The following MICU2 variants were observed in gnomAD, a reference collection of about 807,000 sequenced individuals.
The protein encoded by MICU2 is calcium uptake protein 2, mitochondrial.
MICU2 carries 64 observed loss-of-function variants against 60.4 expected under a neutral mutation model. The ratio of observed to expected loss-of-function variants is 1.06; its 90% CI spans 0.87 to 1.31. The LOEUF is 1.31. MICU2 is among the 50% of genes most tolerant of loss of function. The pLI, the probability that MICU2 is intolerant of heterozygous loss-of-function variation, is 0.00. For synonymous variants in MICU2, 201 were observed against 175.0 expected (o/e 1.15, Z -1.17); for missense variants, 569 against 531.0 (o/e 1.07, Z -0.70).
At chr13:21,600,660 C>T (rs910145973) in intron 1 of MICU2, among the ~76,000 whole-genome samples, 1 of 152,114 alleles carries the variant, frequency 6.6e-6, no homozygotes, top group African/African-American at 2.4e-5. Flanking sequence ...CCTTAATTCC[C>T]GACTGACCCT....
chr13:21,498,821 GA>G (rs71093318), intron 9 of MICU2, among the ~76,000 whole-genome samples: 46,965 of 149,250 alleles, frequency 0.31, 8,353 homozygotes, highest in South Asian at 0.4. Context: ...GGGAAAAAAG[GA>G]AAAAAAAAAA....
Position 21,530,892 on chromosome 13 carries a change from A to G in MICU2, c.467-8242T>C, listed in dbSNP as rs115340512. 9.5e-4 allele frequency: 718 copies of G among 758,858 alleles called. 5 individuals carry two copies. Among genetic ancestry groups the G allele is most frequent in the African/African-American group, 9.0e-3 (529 of 58,764 alleles). 47.0% of individuals were successfully genotyped at this position (758,858 alleles called of 1,614,324 possible). On this transcript the variant is annotated intron_variant, in intron 4 of 11. Transcript: ENST00000382374. ...CCTACGTCCTGTACAGCGACAGAGC[A>G]GAATGGGCTGATATAGATCTAGTGC...
chr13:21,597,655 C>T lies in MICU2; in HGVS notation c.210+6284G>A, dbSNP rs548112816. 1.6e-4 allele frequency among the ~76,000 whole-genome samples: 24 copies of T among 152,166 alleles called. No homozygotes were observed. The East Asian group carries it at 1.9e-3, about 12-fold the overall frequency. ...TATAAAATAATTTCAGGGCCGGGCG[C>T]GGTGGCTCATGCCTGTAATCCCAGC... is the stretch of plus-strand genomic sequence containing the variant. On this transcript the variant is annotated intron_variant, in intron 1 of 11. Transcript: ENST00000382374.
rs1888898869 is a variant in MICU2 at position 21,604,057 on chromosome 13, C to T, written c.92G>A (p.Ser31Asn). 10 of 1,603,954 alleles carry T rather than the reference C, an allele frequency of 6.2e-6. No homozygotes were observed. The highest frequency in any genetic ancestry group is 8.5e-6 in the Non-Finnish European group (10 of 1,176,342). ...GLAVSRQAVR[S>N]PGPLAAAVAG... ...CACTGCCGCTGCCAAGGGGCCGGGA[C>T]TCCGCACAGCCTGTCGGCTGACAGC... The change falls in exon 1 of 12, where the codon AGT becomes AAT. Residue 31 changes from serine to asparagine, a missense_variant. Physicochemically the swap from Ser to Asn is conservative, Grantham distance 46. Coordinates refer to ENST00000382374, the MANE Select transcript of MICU2 (RefSeq NM_152726.3).
At chr13:21,493,490 G>T (rs557590632) in intron 11 of MICU2, 137 bp from the exon 12 acceptor site, 8 of 595,864 alleles carry the variant, frequency 1.3e-5, no homozygotes, top group African/African-American at 9.6e-5. Context: ...TGTAAAAGAT[G>T]ATCACAACAG....
chr13:21,592,629 C>G (rs1301734624), intron 1 of MICU2, among the ~76,000 whole-genome samples: 1 of 152,060 alleles, frequency 6.6e-6, no homozygotes, highest in Admixed American at 6.6e-5. Flanking sequence ...ACTGGCAAAC[C>G]CAATCAATCC....
At chr13:21,588,788 A>C (rs1277940534) in intron 1 of MICU2, among the ~76,000 whole-genome samples, 1 of 152,208 alleles carries the variant, frequency 6.6e-6, no homozygotes, top group Non-Finnish European at 1.5e-5. Flanking sequence ...AAAGCAAGAG[A>C]AGCCCCTTGG....
intron 1 of MICU2, 58 bp downstream of exon 1, chr13:21,603,881 A>G: frequency 6.3e-7 from 1 of 1,580,590 alleles, no homozygotes; most frequent in Non-Finnish European, 8.6e-7. Context: ...TCCCCGCCTA[A>G]GGGCGTCAGG....
In MICU2 at chr13:21,542,415, T is replaced by TGGTC. The variant is rs549977925; in HGVS notation, c.359-2728_359-2727insGACC. On this transcript the variant is annotated intron_variant, in intron 2 of 11. Transcript: ENST00000382374. The stretch of plus-strand genomic sequence containing the variant: ...ATCTAATTTTTCCTTCTGTTTTTGT[T>TGGTC]TGAGTTTGTTTTTTTCAATGTAGGG... 1.7e-3 allele frequency among the ~76,000 whole-genome samples: 260 copies of TGGTC among 152,280 alleles called. 3 individuals are homozygous for TGGTC. The highest frequency in any genetic ancestry group is 6.1e-3 in the African/African-American group (252 of 41,564).
intron 1 of MICU2, among the ~76,000 whole-genome samples, chr13:21,574,206 G>T (rs954971901): frequency 2.6e-5 from 4 of 152,178 alleles, no homozygotes; most frequent in Non-Finnish European, 4.4e-5. Flanking sequence ...TTCTGAAGTG[G>T]AAAGTGGTGG....
intron 7 of MICU2, among the ~76,000 whole-genome samples, chr13:21,511,977 G>T (rs192596905): frequency 2.8e-4 from 42 of 152,298 alleles, no homozygotes; most frequent in Non-Finnish European, 5.9e-5. Context: ...GTTTGGGCTG[G>T]ATGCTGCCCA....
intron 4 of MICU2, among the ~76,000 whole-genome samples, chr13:21,530,412 T>C (rs1453781474): frequency 6.6e-6 from 1 of 152,088 alleles, no homozygotes; most frequent in African/African-American, 2.4e-5. Flanking sequence ...TTTCTAATAG[T>C]TCATCACTAA....
rs573177031 is a variant in MICU2, at chr13:21,582,281, C to T, written c.211-15337G>A. 2.7e-4 allele frequency among the ~76,000 whole-genome samples: 41 copies of T among 152,258 alleles called. No homozygotes were observed. In the South Asian group the frequency reaches 8.5e-3, roughly 32 times the overall value. On this transcript the variant is annotated intron_variant, in intron 1 of 11. Transcript: ENST00000382374. ...AGCTTTATTTCTATAAAAACTCTATCTACTGAAGATACAATAGCCAAAACT... is the reference window on the plus strand; with the variant it reads ...AGCTTTATTTCTATAAAAACTCTATTTACTGAAGATACAATAGCCAAAACT...
chr13:21,587,377 T>A (rs1888482681), intron 1 of MICU2, among the ~76,000 whole-genome samples: 1 of 152,240 alleles, frequency 6.6e-6, no homozygotes, highest in Non-Finnish European at 1.5e-5. Flanking sequence ...GATGTCTTCT[T>A]ACCAAATGAT....
intron 4 of MICU2, among the ~76,000 whole-genome samples, chr13:21,526,993 G>A (rs1047309531): frequency 1.2e-4 from 18 of 152,180 alleles, no homozygotes; most frequent in Non-Finnish European, 2.1e-4. Flanking sequence ...GGTATTATTA[G>A]ATGATTCCAT....
In MICU2 at chr13:21,513,452, T is replaced by A. The variant is rs539423026; in HGVS notation, c.663+901A>T. Among the ~76,000 whole-genome samples, 13 of 152,170 alleles carry A rather than the reference T, an allele frequency of 8.5e-5. No homozygotes were observed. The South Asian group carries it at 2.1e-3, about 24-fold the overall frequency. On this transcript the variant is annotated intron_variant, in intron 7 of 11. Transcript: ENST00000382374. ...TTTTAATGAGTGCTTTTAAAAAAAC[T>A]ACGGGCTGGGCACAGTAGCTCACAC...
At chr13:21,592,028 GAGAT>G (rs1888594533) in intron 1 of MICU2, among the ~76,000 whole-genome samples, 2 of 139,252 alleles carry the variant, frequency 1.4e-5, no homozygotes, top group South Asian at 2.3e-4. Context: ...AGCGTTGAAG[GAGAT>G]AGAGACAAGA....
intron 9 of MICU2, among the ~76,000 whole-genome samples, chr13:21,499,699 C>T (rs1009978392): frequency 7.9e-5 from 12 of 152,032 alleles, no homozygotes; most frequent in African/African-American, 1.2e-4. Flanking sequence ...TTTGAGCCAC[C>T]GTGCCCAGCT....
In MICU2 at chr13:21,564,387, G is replaced by A. The variant is rs9578388; in HGVS notation, c.358+2410C>T. ...CTGGTGCCTTTTTTTCTTCTCCCCC[G>A]TTGTCTTTTCTCTCCTTAAATAAAA... On this transcript the variant is annotated intron_variant, in intron 2 of 11. Transcript: ENST00000382374. Among the ~76,000 whole-genome samples the A allele has an allele frequency of 7.6e-3, 1,153 of 152,072 alleles. 15 individuals carry two copies. Among genetic ancestry groups the A allele is most frequent in the African/African-American group, 0.026 (1,091 of 41,470 alleles).
Sources: allele counts gnomAD v4.1 joint callset (sites outside exome capture counted in the v4.1 genomes callset), GRCh38; gene constraint gnomAD v4.1.1; transcripts MANE v1.5; gene names NCBI Gene and HGNC (gene_info 2026-07-23, HGNC 2026-07-21).